The following TET1 variants were observed in gnomAD, a reference collection of about 807,000 sequenced individuals.
The protein encoded by TET1 is methylcytosine dioxygenase TET1.
TET1 carries 13 observed loss-of-function variants against 148.7 expected under a neutral mutation model. The ratio of observed to expected loss-of-function variants is 0.09; its 90% confidence interval spans 0.06 to 0.14. The LOEUF is 0.14. Among genes scored for constraint, TET1 ranks in the 10% least tolerant of loss-of-function variants. The pLI is 1.00. For missense variants in TET1, 2,182 were observed against 2,553.8 expected, an observed-to-expected ratio of 0.85 and a Z score of 3.14; for synonymous variants, 907 against 937.2, an observed-to-expected ratio of 0.97 and a Z score of 0.59.
rs1273880931 is a variant in TET1 at position 68,617,995 on chromosome 10, C to T, written c.1968+16961C>T. Among the ~76,000 whole-genome samples, 3 of 150,970 alleles carry T rather than the reference C, an allele frequency of 2.0e-5. No individual in the cohort carries two copies. In the South Asian group the frequency reaches 6.3e-4, roughly 32 times the overall value. On this transcript the variant is annotated intron_variant, in intron 3 of 11. Coordinates refer to ENST00000373644, the MANE Select transcript of TET1 (RefSeq NM_030625.3). ...GGTGTGCAGTAGTACAATTATGGCTCATTGTAGCCTGAACCTCCTGGGCTC... is the reference window on the plus strand; with the variant it reads ...GGTGTGCAGTAGTACAATTATGGCTTATTGTAGCCTGAACCTCCTGGGCTC...
At chr10:68,644,289 C>A (rs1324198761) in intron 3 of TET1, among the ~76,000 whole-genome samples, 2 of 152,170 alleles carry the variant, frequency 1.3e-5, no homozygotes, top group Non-Finnish European at 2.9e-5. Context: ...GGAACCTCCA[C>A]CTCCTGTGCT....
At chr10:68,631,589 G>A (rs2054572799) in intron 3 of TET1, among the ~76,000 whole-genome samples, 1 of 151,912 alleles carries the variant, frequency 6.6e-6, no homozygotes, top group African/African-American at 2.4e-5. Flanking sequence ...TCTTAAGATA[G>A]GAAAGACCTG....
chr10:68,660,923 C>CA (rs1481817042), intron 6 of TET1, among the ~76,000 whole-genome samples: 1 of 152,192 alleles, frequency 6.6e-6, no homozygotes, highest in Non-Finnish European at 1.5e-5. Flanking sequence ...CTCGGCCTCC[C>CA]AAAGTGTTGG....
chr10:68,638,762 AGTTT>A (rs754234507), intron 3 of TET1, among the ~76,000 whole-genome samples: 1 of 92,378 alleles, frequency 1.1e-5, no homozygotes, highest in African/African-American at 3.9e-5. Context: ...GCATGTATGG[AGTTT>A]GTGTGTGTGT....
At position 68,646,026 on chromosome 10, in the gene TET1, A is replaced by C. The variant is rs776824062; in HGVS notation, c.3297A>C (p.Lys1099Asn). 1 of 1,614,020 alleles carries C rather than the reference A, an allele frequency of 6.2e-7. No individual in the cohort carries two copies. The highest frequency in any genetic ancestry group is 8.5e-7 in the Non-Finnish European group (1 of 1,180,044). ...ATTATATAAAACCAGAGGACAAAAAAGTTGAAAGTACACCAACAAGCCTTG... is the reference window on the plus strand; with the variant it reads ...ATTATATAAAACCAGAGGACAAAAACGTTGAAAGTACACCAACAAGCCTTG... ...KINYIKPEDK[K>N]VESTPTSLVT... Residue 1099 changes from lysine (K) to asparagine (N), a missense_variant, in exon 4 of 12, where the codon AAA (lysine) becomes AAC (asparagine). By Grantham distance (94) the Lys-to-Asn change is moderately conservative. Transcript: ENST00000373644.
Position 68,691,919 on chromosome 10 carries a change from T to G in TET1, c.*105T>G. On this transcript the variant is annotated 3_prime_UTR_variant, in exon 12 of 12. Transcript: ENST00000373644. The surrounding 1 kb of genome is among the most constrained non-coding windows in gnomAD (Gnocchi z 4.4). Reference sequence around the variant, plus strand: ...GTTTACTATCTTCATCTCACCCATTTCAAGTCTGAGGTAAAAAAATAATAA... The same window carrying G: ...GTTTACTATCTTCATCTCACCCATTGCAAGTCTGAGGTAAAAAAATAATAA... The G allele has an allele frequency of 1.5e-6, 2 of 1,340,724 alleles. No homozygotes were observed. 83.1% of individuals were successfully genotyped at this position (1,340,724 alleles called of 1,614,324 possible). A position where few individuals can be genotyped will look rare whatever the true frequency, so the allele number is the denominator to read the frequency against.
rs561046646 is a variant in TET1, at chr10:68,615,159, C to T, written c.1968+14125C>T. ...TGTTGGCCAGGCTGGTCTCGAACTC[C>T]TGACCTCGTGATCCACCCGCCTGGG... On this transcript the variant is annotated intron_variant, in intron 3 of 11. Transcript: ENST00000373644. Among the ~76,000 whole-genome samples, 3 of 152,070 alleles carry T rather than the reference C, an allele frequency of 2.0e-5. No homozygotes were observed. In the East Asian group the frequency reaches 5.8e-4, roughly 29 times the overall value.
rs1027071053 is a variant in TET1, at chr10:68,571,758, C to G, written c.-122-459C>G. ...CAAGCTGGTCTTGAACTCCTGGCCT[C>G]AAGTCATCTTCCTGCCTCAGTCTCC... On this transcript the variant is annotated intron_variant, in intron 1 of 11. Transcript: ENST00000373644. 3.3e-5 allele frequency among the ~76,000 whole-genome samples: 5 copies of G among 152,110 alleles called. No individual in the cohort carries two copies. In the South Asian group the frequency reaches 1.0e-3, roughly 32 times the overall value.
chr10:68,652,806 A>G (rs1409569997), intron 6 of TET1, among the ~76,000 whole-genome samples: 1 of 145,948 alleles, frequency 6.9e-6, no homozygotes, highest in Non-Finnish European at 1.5e-5. Context: ...TTTCCACCTT[A>G]GCCTCCAAGT....
chr10:68,607,407 AGTTTTTTTTTTTT>A (rs1445552693), intron 3 of TET1, among the ~76,000 whole-genome samples: 1 of 109,302 alleles, frequency 9.1e-6, no homozygotes, highest in East Asian at 2.9e-4. Flanking sequence ...TTGGATCTTA[AGTTTTTTTTTTTT>A]GTTTTTTTTG....
intron 3 of TET1, among the ~76,000 whole-genome samples, chr10:68,633,651 C>G (rs565683571): frequency 6.6e-6 from 1 of 152,134 alleles, no homozygotes; most frequent in Admixed American, 6.5e-5. Flanking sequence ...AAACCCCACG[C>G]TGGTCCTGAC....
intron 6 of TET1, among the ~76,000 whole-genome samples, chr10:68,656,606 G>T (rs2133132866): frequency 6.6e-6 from 1 of 152,260 alleles, no homozygotes; most frequent in East Asian, 1.9e-4. Context: ...AACTTTCCAG[G>T]TTATCTTACT....
intron 2 of TET1, among the ~76,000 whole-genome samples, chr10:68,595,949 TATATATATATATACACACAC>T (rs2053977036): frequency 6.6e-5 from 2 of 30,136 alleles, no homozygotes; most frequent in Non-Finnish European, 1.5e-4. Context: ...TATATATATA[TATATATATATATACACACAC>T]ACACACACAT....
At chr10:68,679,539 A>G (rs1345746396) in intron 8 of TET1, among the ~76,000 whole-genome samples, 2 of 152,220 alleles carry the variant, frequency 1.3e-5, no homozygotes, top group Non-Finnish European at 2.9e-5. Flanking sequence ...AGCCCACTGG[A>G]TACTTCCAGT....
At chr10:68,610,979 G>A (rs2054201111) in intron 3 of TET1, among the ~76,000 whole-genome samples, 1 of 152,138 alleles carries the variant, frequency 6.6e-6, no homozygotes, top group Admixed American at 6.6e-5. Flanking sequence ...AAGTAAAGGT[G>A]TAATTTATGT....
intron 7 of TET1, among the ~76,000 whole-genome samples, chr10:68,669,638 G>A (rs1480056847): frequency 1.3e-5 from 2 of 151,670 alleles, no homozygotes; most frequent in East Asian, 1.9e-4. Flanking sequence ...ACAGGCGTGA[G>A]CCACCACGTC....
intron 3 of TET1, among the ~76,000 whole-genome samples, chr10:68,609,466 T>C (rs1396436889): frequency 6.6e-6 from 1 of 152,154 alleles, no homozygotes; most frequent in African/African-American, 2.4e-5. Flanking sequence ...CGGCCAAGCC[T>C]GACTATTTTT....
Position 68,645,998 on chromosome 10 carries a change from T to C in TET1, c.3269T>C (p.Ile1090Thr), listed in dbSNP as rs199803468. ...QLTQLASIIK[I>T]NYIKPEDKKV... is the part of the protein sequence containing the mutation. ...ACACAACTTGCTTCGATAATTAAGA[T>C]CAATTATATAAAACCAGAGGACAAA... The change falls in exon 4 of 12, where the codon ATC (isoleucine) becomes ACC (threonine). Residue 1090 changes from isoleucine to threonine, a missense_variant. Ile to Thr is a moderately conservative substitution (Grantham distance 89). This residue lies in a region of TET1 where 582 missense variants were observed against 599.5 expected (regional missense o/e 0.97). Coordinates refer to ENST00000373644, the MANE Select transcript of TET1 (RefSeq NM_030625.3). The C allele has an allele frequency of 2.5e-6, 4 of 1,613,910 alleles. No homozygotes were observed. The highest frequency in any genetic ancestry group is 3.4e-6 in the Non-Finnish European group (4 of 1,179,990).
In TET1 at chr10:68,645,747, T is replaced by C; in HGVS notation, c.3018T>C (p.Phe1006=). The change falls in exon 4 of 12, where the codon TTT becomes TTC. Residue 1006 remains phenylalanine, a synonymous_variant. Transcript: ENST00000373644. Reference sequence around the variant, plus strand: ...AAGTCACAAATTCATTATCTCTTTTTATACCAAAATCAAATTCATCCAAGA... The same window carrying C: ...AAGTCACAAATTCATTATCTCTTTTCATACCAAAATCAAATTCATCCAAGA... ...YSKVTNSLSL[F]IPKSNSSKID... is the part of the protein sequence containing the mutation. The C allele has an allele frequency of 6.2e-7, 1 of 1,614,220 alleles. No homozygotes were observed. Among genetic ancestry groups the C allele is most frequent in the Non-Finnish European group, 8.5e-7 (1 of 1,180,022 alleles).
Sources: allele counts gnomAD v4.1 joint callset (sites outside exome capture counted in the v4.1 genomes callset), GRCh38; gene constraint gnomAD v4.1.1; regional missense constraint gnomAD v4.1.1; non-coding constraint Gnocchi (gnomAD v3.1); transcripts MANE v1.5; gene names NCBI Gene and HGNC (gene_info 2026-07-23, HGNC 2026-07-21).